Variants in MYOM1 observed in about 807,000 individuals in gnomAD.
MYOM1 encodes the protein myomesin-1.
In MYOM1, 164 loss-of-function variants were observed where a neutral mutation model predicts 205.3. That is an observed-to-expected ratio of 0.80 (90% CI 0.70 to 0.91). The LOEUF (loss-of-function observed/expected upper bound fraction) is 0.91, where lower values mean the gene tolerates loss of function less well. MYOM1 is among the 40% of genes least tolerant of loss of function. The probability of loss-of-function intolerance (pLI) is 0.00; values close to 1 mark genes in which losing one functional copy is unlikely to be tolerated. For synonymous variants in MYOM1, 772 were observed against 789.4 expected, an observed-to-expected ratio of 0.98 and a Z score of 0.37; for missense variants, 2,011 against 2,127.3, an observed-to-expected ratio of 0.95 and a Z score of 1.08.
intron 10 of MYOM1, among the ~76,000 whole-genome samples, chr18:3,156,643 T>TC (rs1462019914): frequency 1.5e-4 from 22 of 151,258 alleles, no homozygotes; most frequent in African/African-American, 5.4e-4. Flanking sequence ...TCTTGCTCTG[T>TC]CACCCAGGCT....
At chr18:3,090,047 T>C (rs977781902) in intron 27 of MYOM1, among the ~76,000 whole-genome samples, 4 of 152,316 alleles carry the variant, frequency 2.6e-5, no homozygotes, top group African/African-American at 9.6e-5. Flanking sequence ...ACAGTCTTTG[T>C]TGTATTGCAA....
At chr18:3,247,298 C>T in the MYOM1 span, 1 of 152,314 alleles carries the variant, frequency 6.6e-6, no homozygotes, top group African/African-American at 2.4e-5. Flanking sequence ...TCAAGATCCG[C>T]TCCCGGGATA....
chr18:3,186,671 C>T (rs1188706647), intron 5 of MYOM1, among the ~76,000 whole-genome samples: 2 of 150,868 alleles, frequency 1.3e-5, no homozygotes, highest in Non-Finnish European at 2.9e-5. Flanking sequence ...TGTTTGGTGT[C>T]AGAAAACAAA....
chr18:3,074,279 T>A (rs2143637059), intron 36 of MYOM1, among the ~76,000 whole-genome samples: 1 of 152,274 alleles, frequency 6.6e-6, no homozygotes, highest in South Asian at 2.1e-4. Flanking sequence ...ACACAGGGCC[T>A]GAGCAGGAGG....
At chr18:3,091,252 G>A (rs2079222024) in intron 26 of MYOM1, among the ~76,000 whole-genome samples, 1 of 151,976 alleles carries the variant, frequency 6.6e-6, no homozygotes, top group African/African-American at 2.4e-5. Flanking sequence ...GGAGGCAGAG[G>A]TTGCAGTGAG....
intron 1 of MYOM1, among the ~76,000 whole-genome samples, chr18:3,218,372 T>G (rs2081294728): frequency 6.6e-6 from 1 of 152,226 alleles, no homozygotes; most frequent in Admixed American, 6.5e-5. Flanking sequence ...ACTTTTTATT[T>G]AAACTATTTT....
In MYOM1 at chr18:3,112,355, C is replaced by T. The variant is rs1344740531; in HGVS notation, c.3361G>A (p.Ala1121Thr). 6.2e-7 allele frequency: 1 copy of T among 1,612,726 alleles called. No homozygotes were observed. The highest frequency in any genetic ancestry group is 8.5e-7 in the Non-Finnish European group (1 of 1,179,068). Residue 1121 changes from alanine (A) to threonine (T), a missense_variant, in exon 22 of 38, where the codon GCG becomes ACG. By Grantham distance (58) the Ala-to-Thr change is moderately conservative. Coordinates refer to ENST00000356443, the MANE Select transcript of MYOM1 (RefSeq NM_003803.4). ...AGGTCAGATGGCTTCCCAACTCCCG[C>T]CTGGTTTATGGCTCGAACACGGAAC... ...YVFRVRAINQ[A>T]GVGKPSDLAG...
At chr18:3,232,614 T>G in the MYOM1 span, among the ~76,000 whole-genome samples, 8 of 152,214 alleles carry the variant, frequency 5.3e-5, no homozygotes, top group African/African-American at 1.9e-4. Flanking sequence ...TAGTTTATTG[T>G]GTTCTAATAA....
the MYOM1 span, among the ~76,000 whole-genome samples, chr18:3,238,432 G>A: frequency 6.6e-6 from 1 of 151,696 alleles, no homozygotes; most frequent in Non-Finnish European, 1.5e-5. Context: ...AATAAACATG[G>A]TGAAGATGGG....
intron 33 of MYOM1, among the ~76,000 whole-genome samples, chr18:3,081,716 C>T (rs2079088331): frequency 6.6e-6 from 1 of 152,160 alleles, no homozygotes; most frequent in East Asian, 1.9e-4. Flanking sequence ...TAATTACTTT[C>T]CTAAAATGTA....
At chr18:3,187,121 A>C (rs2080828961) in intron 5 of MYOM1, among the ~76,000 whole-genome samples, 1 of 152,174 alleles carries the variant, frequency 6.6e-6, no homozygotes, top group African/African-American at 2.4e-5. Context: ...CATGTTGTGT[A>C]AAGTTCATTG....
rs763909583 is a variant in MYOM1, at chr18:3,067,288, G to A, written c.5032C>T (p.Leu1678=). The change falls in exon 38 of 38, where the codon CTG becomes TTG. Residue 1678 remains leucine, a synonymous_variant. Transcript: ENST00000356443. ...CACTTGGCCTTCTTGCCACCTTTCAGGGACTCCAAGGCGGCCATCCTCGCC... is the reference window on the plus strand; with the variant it reads ...CACTTGGCCTTCTTGCCACCTTTCAAGGACTCCAAGGCGGCCATCCTCGCC... ...EEARMAALES[L]KGGKKAK 1 of 1,607,510 alleles carries A rather than the reference G, an allele frequency of 6.2e-7. No individual in the cohort carries two copies.
the MYOM1 span, among the ~76,000 whole-genome samples, chr18:3,232,347 G>A: frequency 6.6e-6 from 1 of 151,722 alleles, no homozygotes; most frequent in Admixed American, 6.6e-5. Flanking sequence ...AAAAAAAGTA[G>A]AACCATCCGT....
At chr18:3,237,594 G>A in the MYOM1 span, among the ~76,000 whole-genome samples, 20 of 95,352 alleles carry the variant, frequency 2.1e-4, no homozygotes, top group East Asian at 7.1e-4. Flanking sequence ...GCAAGACTCC[G>A]TCTCAAAAAA....
At chr18:3,194,984 T>C (rs1419797838) in intron 2 of MYOM1, among the ~76,000 whole-genome samples, 1 of 152,030 alleles carries the variant, frequency 6.6e-6, no homozygotes, top group African/African-American at 2.4e-5. Context: ...AACAGGGGTA[T>C]TGTGGCATGG....
intron 19 of MYOM1, among the ~76,000 whole-genome samples, chr18:3,124,303 CTTT>C (rs34118507): frequency 3.1e-5 from 4 of 130,888 alleles, no homozygotes; most frequent in Non-Finnish European, 3.1e-5. Context: ...TTTCTTTTTT[CTTT>C]TTTTTTTTTT....
rs542377795 is a variant in MYOM1 at position 3,164,784 on chromosome 18, T to C, written c.1340-345A>G. On this transcript the variant is annotated intron_variant, in intron 9 of 37. Coordinates refer to ENST00000356443, the MANE Select transcript of MYOM1 (RefSeq NM_003803.4). ...ACTTATAGTAATGTAATAGGGGTAA[T>C]ACAAGTTGCAAAAAATCGTATTTTG... Among the ~76,000 whole-genome samples the C allele has an allele frequency of 3.3e-5, 5 of 152,338 alleles. No individual in the cohort carries two copies. In the South Asian group the frequency reaches 1.0e-3, roughly 32 times the overall value.
intron 22 of MYOM1, among the ~76,000 whole-genome samples, chr18:3,103,815 G>A (rs1400636905): frequency 6.6e-6 from 1 of 152,180 alleles, no homozygotes; most frequent in Non-Finnish European, 1.5e-5. Context: ...TGCCTGGCAG[G>A]ATGATCTTGG....
At chr18:3,114,380 CTTT>C (rs142123823) in intron 21 of MYOM1, among the ~76,000 whole-genome samples, 116 of 141,318 alleles carry the variant, frequency 8.2e-4, no homozygotes, top group East Asian at 3.1e-3. Context: ...TCTATTTTCC[CTTT>C]TTTTTTTTTT....
Sources: allele counts gnomAD v4.1 joint callset (sites outside exome capture counted in the v4.1 genomes callset), GRCh38; gene constraint gnomAD v4.1.1; transcripts MANE v1.5; gene names NCBI Gene and HGNC (gene_info 2026-07-23, HGNC 2026-07-21).